Variants in CFAP61 observed in about 807,000 individuals in gnomAD.
The protein encoded by CFAP61 is cilia- and flagella-associated protein 61.
A neutral mutation model predicts 135.6 loss-of-function variants in CFAP61; 107 were observed. The ratio of observed to expected loss-of-function variants is 0.79; its 90% CI spans 0.67 to 0.93. The LOEUF (loss-of-function observed/expected upper bound fraction) is 0.93. CFAP61 is among the 40% of genes least tolerant of loss of function. The probability of loss-of-function intolerance (pLI) is 0.00; values close to 1 mark genes in which losing one functional copy is unlikely to be tolerated. For missense variants in CFAP61, 1,507 were observed against 1,556.2 expected (o/e 0.97, Z 0.53); for synonymous variants, 575 against 578.5 (o/e 0.99, Z 0.09).
chr20:20,177,706 A>G (rs1230207484), intron 13 of CFAP61, among the ~76,000 whole-genome samples: 1 of 150,624 alleles, frequency 6.6e-6, no homozygotes, highest in Middle Eastern at 3.4e-3. Flanking sequence ...GTGGAGAAAG[A>G]TGTAAAGGAA....
At chr20:20,177,750 G>A (rs984510845) in intron 13 of CFAP61, among the ~76,000 whole-genome samples, 13 of 151,154 alleles carry the variant, frequency 8.6e-5, no homozygotes, top group African/African-American at 3.2e-4. Flanking sequence ...GGCACTAAGG[G>A]CGAACGTGAA....
At chr20:20,114,368 T>A (rs370371682) in intron 8 of CFAP61, among the ~76,000 whole-genome samples, 99 of 152,328 alleles carry the variant, frequency 6.5e-4, no homozygotes, top group African/African-American at 2.3e-3. Flanking sequence ...CTGACATTTT[T>A]ATAATATATT....
chr20:20,190,464 G>T (rs1387799618), intron 14 of CFAP61, among the ~76,000 whole-genome samples: 1 of 152,198 alleles, frequency 6.6e-6, no homozygotes, highest in East Asian at 1.9e-4. Flanking sequence ...GATGCGGGGA[G>T]GGTGGGGACA....
At chr20:20,251,221 G>A (rs545411575) in intron 19 of CFAP61, among the ~76,000 whole-genome samples, 1 of 152,178 alleles carries the variant, frequency 6.6e-6, no homozygotes, top group South Asian at 2.1e-4. Flanking sequence ...TCCCATTGAG[G>A]CTGTGGTCAA....
At chr20:20,061,297 G>A (rs2044776870) in intron 2 of CFAP61, among the ~76,000 whole-genome samples, 2 of 152,186 alleles carry the variant, frequency 1.3e-5, no homozygotes, top group South Asian at 4.1e-4. Flanking sequence ...TAAAATTACA[G>A]AATAAGAAAA....
intron 25 of CFAP61, among the ~76,000 whole-genome samples, chr20:20,318,526 G>C (rs2057266514): frequency 6.6e-6 from 1 of 152,196 alleles, no homozygotes; most frequent in Non-Finnish European, 1.5e-5. Flanking sequence ...GCTGGCACCG[G>C]AGGCATGATT....
At chr20:20,336,876 G>A (rs1048294245) in intron 25 of CFAP61, among the ~76,000 whole-genome samples, 1 of 152,178 alleles carries the variant, frequency 6.6e-6, no homozygotes, top group African/African-American at 2.4e-5. Context: ...GCCATCATAA[G>A]TGGCTCTGAC....
At chr20:20,147,118 A>G (rs2146763397) in intron 9 of CFAP61, among the ~76,000 whole-genome samples, 1 of 152,328 alleles carries the variant, frequency 6.6e-6, no homozygotes, top group Non-Finnish European at 1.5e-5. Flanking sequence ...CATACTGTAT[A>G]TACCATATTT....
At chr20:20,292,767 G>A (rs1013033741) in intron 24 of CFAP61, among the ~76,000 whole-genome samples, 14 of 152,094 alleles carry the variant, frequency 9.2e-5, no homozygotes, top group African/African-American at 1.9e-4. Context: ...GACTGCTCAC[G>A]CAGTGGCTCT....
chr20:20,302,512 A>T (rs756882266), intron 25 of CFAP61, among the ~76,000 whole-genome samples: 15 of 152,152 alleles, frequency 9.9e-5, no homozygotes, highest in Non-Finnish European at 1.5e-4. Context: ...AAATACGAAA[A>T]TTAACTGGGT....
intron 25 of CFAP61, among the ~76,000 whole-genome samples, chr20:20,300,419 G>A (rs117314832): frequency 0.017 from 2,592 of 152,272 alleles, 41 homozygotes; most frequent in Non-Finnish European, 0.024. Flanking sequence ...ACAAGATGCA[G>A]AGGTGGAAGA....
At position 20,123,120 on chromosome 20, in the gene CFAP61, G is replaced by GT. The variant is rs1010729613; in HGVS notation, c.860-19729dup. On this transcript the variant is annotated intron_variant, in intron 8 of 26. Coordinates refer to ENST00000245957, the MANE Select transcript of CFAP61 (RefSeq NM_015585.4). ...AGCTCACTTTTTGATGGGATTGTTT[G>GT]TTTTTTTTCTTACTGATTTGTTTGA... is the stretch of plus-strand genomic sequence containing the variant. 6.7e-5 allele frequency among the ~76,000 whole-genome samples: 10 copies of GT among 150,170 alleles called. No individual in the cohort carries two copies. In the East Asian group the frequency reaches 7.8e-4, roughly 12 times the overall value.
intron 2 of CFAP61, among the ~76,000 whole-genome samples, chr20:20,063,366 CAAAA>C (rs929442763): frequency 6.7e-6 from 1 of 149,900 alleles, no homozygotes; most frequent in Non-Finnish European, 1.5e-5. Context: ...TGTAAAAATT[CAAAA>C]AAAAATTGGA....
At chr20:20,290,559 T>C (rs1369813831) in intron 24 of CFAP61, among the ~76,000 whole-genome samples, 168 bp downstream of exon 24, 1 of 152,238 alleles carries the variant, frequency 6.6e-6, no homozygotes, top group Non-Finnish European at 1.5e-5. Flanking sequence ...CGCACCTTGG[T>C]CTTCATGCCC....
chr20:20,230,919 C>A (rs1190058507), intron 18 of CFAP61, among the ~76,000 whole-genome samples: 1 of 152,216 alleles, frequency 6.6e-6, no homozygotes, highest in Non-Finnish European at 1.5e-5. Flanking sequence ...CCTGGAAAAT[C>A]CACTCGAGGC....
chr20:20,206,819 C>G (rs1157968568), intron 17 of CFAP61, among the ~76,000 whole-genome samples: 1 of 152,046 alleles, frequency 6.6e-6, no homozygotes, highest in Admixed American at 6.6e-5. Flanking sequence ...TGCTGGGTCA[C>G]ATGGTAACTC....
chr20:20,209,416 G>A (rs1479352847), intron 17 of CFAP61, among the ~76,000 whole-genome samples: 1 of 152,188 alleles, frequency 6.6e-6, no homozygotes, highest in Non-Finnish European at 1.5e-5. Context: ...TTTAGAATTT[G>A]AAAATGAAAA....
In CFAP61 at chr20:20,072,091, C is replaced by CTTTTTTTTT. The variant is rs71198039; in HGVS notation, c.294+1120_294+1128dup. ...CCTATTTGGTATCTAATCTAGCAAT[C>CTTTTTTTTT]TTTTTTTTTTTTTTTTTTTTTTTTT... On this transcript the variant is annotated intron_variant, in intron 3 of 26. Transcript: ENST00000245957. 3.5e-4 allele frequency among the ~76,000 whole-genome samples: 20 copies of CTTTTTTTTT among 57,638 alleles called. 1 individual carries two copies. The highest frequency in any genetic ancestry group is 5.1e-4 in the Admixed American group (2 of 3,912). The allele number at this position is 57,638 out of a possible 152,430, so 37.8% of individuals were successfully genotyped here.
rs1428923829 is a variant in CFAP61 at position 20,352,308 on chromosome 20, A to C, written c.3514-7902A>C. Among the ~76,000 whole-genome samples the C allele has an allele frequency of 2.8e-5, 4 of 143,686 alleles. No homozygotes were observed. The South Asian group carries it at 8.5e-4, about 30-fold the overall frequency. The allele number at this position is 143,686 out of a possible 152,430, so 94.3% of individuals were successfully genotyped here. On this transcript the variant is annotated intron_variant, in intron 26 of 26. Coordinates refer to ENST00000245957, the MANE Select transcript of CFAP61 (RefSeq NM_015585.4). Reference sequence around the variant, plus strand: ...CATAGTTCACCCCACTATCATGAGAACACCCACTATCATGAGAACACCCAC... The same window carrying C: ...CATAGTTCACCCCACTATCATGAGACCACCCACTATCATGAGAACACCCAC...
Sources: allele counts gnomAD v4.1 joint callset (sites outside exome capture counted in the v4.1 genomes callset), GRCh38; gene constraint gnomAD v4.1.1; transcripts MANE v1.5; gene names NCBI Gene and HGNC (gene_info 2026-07-23, HGNC 2026-07-21).